Variants in MAF observed in about 807,000 individuals in gnomAD.
MAF encodes transcription factor Maf.
MAF carries 10 observed loss-of-function variants against 22.0 expected under a neutral mutation model. That is an observed-to-expected ratio of 0.45 (90% CI 0.28 to 0.77). The LOEUF (loss-of-function observed/expected upper bound fraction) is 0.77, where lower values mean the gene tolerates loss of function less well. MAF is among the 30% of genes least tolerant of loss of function. MAF has a pLI of 0.12. For synonymous variants in MAF, 337 were observed against 255.8 expected (o/e 1.32, Z -3.03); for missense variants, 544 against 548.4 (o/e 0.99, Z 0.08).
At chr16:79,534,891 G>C in the MAF span, among the ~76,000 whole-genome samples, 1 of 152,250 alleles carries the variant, frequency 6.6e-6, no homozygotes, top group African/African-American at 2.4e-5. Flanking sequence ...TGGACAGTGT[G>C]GGCCAACCGC....
the MAF span, among the ~76,000 whole-genome samples, chr16:79,479,526 G>A: frequency 1.3e-5 from 2 of 152,186 alleles, no homozygotes; most frequent in Non-Finnish European, 2.9e-5. Flanking sequence ...TGCAAGCTTC[G>A]ATAACTGCAT....
intron 1 of MAF, chr16:79,595,182 A>G: frequency 1.9e-6 from 2 of 1,041,520 alleles, no homozygotes; most frequent in Non-Finnish European, 2.3e-6. Flanking sequence ...CTTCAAGCTC[A>G]TGAGGGGAGG....
the MAF span, among the ~76,000 whole-genome samples, chr16:79,431,358 A>G: frequency 5.3e-5 from 8 of 152,336 alleles, no homozygotes; most frequent in African/African-American, 1.9e-4. Flanking sequence ...CACTTAGACC[A>G]TACACTAACC....
chr16:79,413,734 A>C, the MAF span, among the ~76,000 whole-genome samples: 2 of 152,306 alleles, frequency 1.3e-5, no homozygotes, highest in African/African-American at 4.8e-5. Context: ...TACTCGAGTA[A>C]TATTAGTTAT....
the MAF span, among the ~76,000 whole-genome samples, chr16:79,565,106 T>C: frequency 6.6e-6 from 1 of 152,108 alleles, no homozygotes; most frequent in East Asian, 1.9e-4. Flanking sequence ...GGGAGATAAC[T>C]AGTCCCAGGG....
chr16:79,541,183 G>C, the MAF span, among the ~76,000 whole-genome samples: 1 of 152,078 alleles, frequency 6.6e-6, no homozygotes, highest in Non-Finnish European at 1.5e-5. Context: ...TACCATTACT[G>C]TTACTACTGC....
the MAF span, among the ~76,000 whole-genome samples, chr16:79,345,121 A>G: frequency 0.17 from 25,307 of 152,106 alleles, 3,762 homozygotes; most frequent in African/African-American, 0.4. Flanking sequence ...AATGTACCCT[A>G]ACCGTTATTG....
chr16:79,276,891 C>A, the MAF span, among the ~76,000 whole-genome samples: 1 of 152,162 alleles, frequency 6.6e-6, no homozygotes, highest in Non-Finnish European at 1.5e-5. Flanking sequence ...AGGGGAGGAT[C>A]CTTCTCTGCC....
the MAF span, among the ~76,000 whole-genome samples, chr16:79,333,666 C>G: frequency 6.6e-6 from 1 of 152,222 alleles, no homozygotes; most frequent in Non-Finnish European, 1.5e-5. Flanking sequence ...AAGAGACAAT[C>G]TAACGCTGGA....
chr16:79,235,007 G>A, the MAF span, among the ~76,000 whole-genome samples: 6 of 152,198 alleles, frequency 3.9e-5, no homozygotes, highest in East Asian at 1.9e-4. Context: ...CAGTAGCCAC[G>A]GACTTAATTC....
At chr16:79,464,892 A>C in the MAF span, among the ~76,000 whole-genome samples, 1 of 152,200 alleles carries the variant, frequency 6.6e-6, no homozygotes, top group Non-Finnish European at 1.5e-5. Context: ...AGTACTTTTA[A>C]AAAGGGCCAC....
At chr16:79,235,811 G>T in the MAF span, among the ~76,000 whole-genome samples, 1 of 152,054 alleles carries the variant, frequency 6.6e-6, no homozygotes, top group East Asian at 1.9e-4. Flanking sequence ...ACTAGCATTA[G>T]TAGCAGTAAT....
chr16:79,494,705 C>T, the MAF span, among the ~76,000 whole-genome samples: 1 of 152,166 alleles, frequency 6.6e-6, no homozygotes, highest in East Asian at 1.9e-4. Flanking sequence ...TAATTCTCAG[C>T]AGACACTGAC....
At chr16:79,464,758 C>T in the MAF span, among the ~76,000 whole-genome samples, 32 of 152,146 alleles carry the variant, frequency 2.1e-4, no homozygotes, top group Admixed American at 1.6e-3. Context: ...AAGGTCGATT[C>T]CCAAAATTAG....
the MAF span, chr16:79,211,952 C>T: frequency 1.3e-6 from 2 of 1,536,470 alleles, no homozygotes; most frequent in Admixed American, 2.0e-5. Flanking sequence ...TCTTAAGTAC[C>T]AATGGGAAGC....
chr16:79,415,407 A>G, the MAF span, among the ~76,000 whole-genome samples: 2 of 151,518 alleles, frequency 1.3e-5, no homozygotes, highest in African/African-American at 4.8e-5. Context: ...AGAGGCAAGG[A>G]AGGAAGGAGG....
downstream of MAF, among the ~76,000 whole-genome samples, chr16:79,583,905 C>T (rs1486243611): frequency 1.3e-5 from 2 of 152,120 alleles, no homozygotes; most frequent in African/African-American, 4.8e-5. Flanking sequence ...GTTAGAAGCC[C>T]TATTTTAAGA....
At chr16:79,511,251 AAAAAG>A in the MAF span, among the ~76,000 whole-genome samples, 550 of 152,292 alleles carry the variant, frequency 3.6e-3, 4 homozygotes, top group African/African-American at 0.012. Flanking sequence ...CTTTTCAAAA[AAAAAG>A]AAAAGAAAAG....
the MAF span, among the ~76,000 whole-genome samples, chr16:79,210,995 G>T: frequency 3.3e-5 from 5 of 151,122 alleles, no homozygotes; most frequent in East Asian, 3.9e-4. Flanking sequence ...ATGAATTAAT[G>T]TGTTATGTGT....
Sources: gnomAD v4.1 joint callset for allele counts (sites outside exome capture counted in the v4.1 genomes callset) on GRCh38, gnomAD v4.1.1 for gene constraint, MANE v1.5 for transcripts, NCBI Gene and HGNC (gene_info 2026-07-23, HGNC 2026-07-21) for gene names.